MLLT1: variants seen among roughly 807,000 people sequenced by gnomAD.
The protein encoded by MLLT1 is MLLT1 super elongation complex subunit.
MLLT1 carries 11 observed loss-of-function variants against 55.1 expected under a neutral mutation model. That is an observed-to-expected ratio of 0.20 (90% CI 0.13 to 0.33). The LOEUF (loss-of-function observed/expected upper bound fraction) is 0.33. Among genes scored for constraint, MLLT1 ranks in the 10% least tolerant of loss-of-function variants. MLLT1 has a pLI of 1.00. For synonymous variants in MLLT1, 323 were observed against 320.1 expected (o/e 1.01, Z -0.10); for missense variants, 536 against 760.6 (o/e 0.70, Z 3.47).
Position 6,235,474 on chromosome 19 carries a change from G to A in MLLT1, c.277-4761C>T, listed in dbSNP as rs1568283143. Among the ~76,000 whole-genome samples, 1 of 152,332 alleles carries A rather than the reference G, an allele frequency of 6.6e-6. No individual in the cohort carries two copies. The highest frequency in any genetic ancestry group is 1.5e-5 in the Non-Finnish European group (1 of 68,018). On this transcript the variant is annotated intron_variant, in intron 3 of 11. Coordinates refer to ENST00000252674, the MANE Select transcript of MLLT1 (RefSeq NM_005934.4). This position sits in a 1 kb window ranked among gnomAD's most constrained non-coding sequence, Gnocchi z 5.5. ...CCACAAAGCAGCCTGGGCTAAGAAGGGCACCTGGGGAGGCGCAGCCAGACG... is the reference window on the plus strand; with the variant it reads ...CCACAAAGCAGCCTGGGCTAAGAAGAGCACCTGGGGAGGCGCAGCCAGACG...
chr19:6,237,099 G>T (rs1027861382), intron 3 of MLLT1, among the ~76,000 whole-genome samples: 1 of 152,256 alleles, frequency 6.6e-6, no homozygotes, highest in South Asian at 2.1e-4. Context: ...TCCAGGCAGC[G>T]AGCCCGCCAC....
In MLLT1 at chr19:6,210,840, G is replaced by A. The variant is rs564727137; in HGVS notation, c.*2202C>T. ...CTTGGGAGCCCATGCTGCCCAGCAC[G>A]TCCATCAGGTGGTCACGGAGCCAGC... On this transcript the variant is annotated 3_prime_UTR_variant, in exon 12 of 12. Transcript: ENST00000252674. This position sits in a 1 kb window ranked among gnomAD's most constrained non-coding sequence, Gnocchi z 4.6. 10 of 229,946 alleles carry A rather than the reference G, an allele frequency of 4.3e-5. No homozygotes were observed. Among genetic ancestry groups the A allele is most frequent in the Middle Eastern group, 1.3e-3 (1 of 762 alleles). The allele number at this position is 229,946 out of a possible 1,614,324, so 14.2% of individuals were successfully genotyped here.
chr19:6,253,950 T>C (rs2091238743), intron 3 of MLLT1, among the ~76,000 whole-genome samples: 1 of 152,188 alleles, frequency 6.6e-6, no homozygotes. Context: ...TGGGTCTTAG[T>C]CCTGGGTTCC....
Position 6,210,496 on chromosome 19 carries a change from C to T in MLLT1, c.*2546G>A. The stretch of plus-strand genomic sequence containing the variant: ...AAACAATCCTGTAACTCGTTACAAA[C>T]ACGATTCTCCTTATTCCTTTTATCC... On this transcript the variant is annotated 3_prime_UTR_variant, in exon 12 of 12. Transcript: ENST00000252674. This position sits in a 1 kb window ranked among gnomAD's most constrained non-coding sequence, Gnocchi z 4.6. 1 of 211,748 alleles carries T rather than the reference C, an allele frequency of 4.7e-6. No homozygotes were observed. Among genetic ancestry groups the T allele is most frequent in the East Asian group, 7.1e-5 (1 of 14,122 alleles). The allele number at this position is 211,748 out of a possible 1,614,324, so 13.1% of individuals were successfully genotyped here.
At position 6,273,792 on chromosome 19, in the gene MLLT1, C is replaced by T. The variant is rs933380275; in HGVS notation, c.13-3033G>A. Among the ~76,000 whole-genome samples, 1 of 152,240 alleles carries T rather than the reference C, an allele frequency of 6.6e-6. No individual in the cohort carries two copies. Among genetic ancestry groups the T allele is most frequent in the Non-Finnish European group, 1.5e-5 (1 of 68,050 alleles). On this transcript the variant is annotated intron_variant, in intron 1 of 11. Coordinates refer to ENST00000252674, the MANE Select transcript of MLLT1 (RefSeq NM_005934.4). The surrounding 1 kb of genome is among the most constrained non-coding windows in gnomAD (Gnocchi z 4.3). ...CTCCCACACAATGACAGTGTCTCCT[C>T]GGAATCGCTTATTCACTGACCCGGC...
chr19:6,257,218 A>T (rs35763390), intron 3 of MLLT1, among the ~76,000 whole-genome samples: 45,462 of 152,042 alleles, frequency 0.3, 7,707 homozygotes, highest in African/African-American at 0.45. Flanking sequence ...AACAAGGGAC[A>T]TTATCAGGGC....
intron 2 of MLLT1, among the ~76,000 whole-genome samples, chr19:6,268,395 TAAG>T (rs35691704): frequency 0.27 from 40,901 of 151,700 alleles, 6,471 homozygotes; most frequent in African/African-American, 0.44. Flanking sequence ...AATCAAGAAA[TAAG>T]AAGCAAATGA....
intron 9 of MLLT1, 33 bp from the exon 10 acceptor site, chr19:6,213,830 G>A (rs1411164673): frequency 1.2e-6 from 2 of 1,608,208 alleles, no homozygotes; most frequent in Non-Finnish European, 1.7e-6. Context: ...CTGAGCTGTG[G>A]CCCACACCCT....
chr19:6,259,816 A>AAAAAAAAAAAAAAAC (rs1169497696), intron 3 of MLLT1: 1 of 151,600 alleles, frequency 6.6e-6, no homozygotes, highest in African/African-American at 2.4e-5. Flanking sequence ...AAAAAAAAAA[A>AAAAAAAAAAAAAAAC]AAAACAGAAA....
At chr19:6,258,954 G>A (rs945222236) in intron 3 of MLLT1, among the ~76,000 whole-genome samples, 2 of 152,168 alleles carry the variant, frequency 1.3e-5, no homozygotes, top group African/African-American at 4.8e-5. Context: ...GCCGGGCCAA[G>A]TGCTACACCT....
intron 3 of MLLT1, among the ~76,000 whole-genome samples, chr19:6,232,669 G>T (rs4807067): frequency 0.033 from 5,092 of 152,330 alleles, 95 homozygotes; most frequent in Middle Eastern, 0.088. Context: ...TGAGGCAAAT[G>T]CAGAGACATG....
rs145536050 is a variant in MLLT1 at position 6,222,343 on chromosome 19, G to A, written c.888C>T (p.Ser296=). Residue 296 remains serine, a synonymous_variant, in exon 6 of 12, where the codon AGC becomes AGT. Coordinates refer to ENST00000252674, the MANE Select transcript of MLLT1 (RefSeq NM_005934.4). The surrounding 1 kb of genome is among the most constrained non-coding windows in gnomAD (Gnocchi z 4.1). ...AGCTGCTCTTCTTCTGCTTCTTGGC[G>A]CTGGGCTTTGGCGAGTCGGCGGTGG... ...RPATADSPKP[S]AKKQKKSSSK... The A allele has an allele frequency of 3.2e-5, 49 of 1,545,072 alleles. No individual in the cohort carries two copies. Among genetic ancestry groups the A allele is most frequent in the African/African-American group, 9.7e-5 (7 of 72,140 alleles).
At chr19:6,253,170 C>A (rs764212895) in intron 3 of MLLT1, among the ~76,000 whole-genome samples, 4 of 139,858 alleles carry the variant, frequency 2.9e-5, no homozygotes, top group Non-Finnish European at 6.0e-5. Flanking sequence ...GAGGCTGAAG[C>A]AAGAGAATGG....
At chr19:6,253,708 A>G (rs929941159) in intron 3 of MLLT1, among the ~76,000 whole-genome samples, 11 of 152,320 alleles carry the variant, frequency 7.2e-5, no homozygotes, top group African/African-American at 2.4e-4. Flanking sequence ...ACAGCACATT[A>G]ATAAAAGGAA....
At chr19:6,215,463 C>T (rs1032241990) in intron 8 of MLLT1, among the ~76,000 whole-genome samples, 2 of 152,162 alleles carry the variant, frequency 1.3e-5, no homozygotes, top group Admixed American at 6.5e-5. Context: ...GACCTCCCAC[C>T]AGCGGCTCCC....
At position 6,212,156 on chromosome 19, in the gene MLLT1, C is replaced by T. The variant is rs1347575911; in HGVS notation, c.*886G>A. The T allele has an allele frequency of 1.4e-5, 15 of 1,066,044 alleles. No homozygotes were observed. The highest frequency in any genetic ancestry group is 5.3e-5 in the Admixed American group (1 of 18,754). The allele number at this position is 1,066,044 out of a possible 1,614,324, so 66.0% of individuals were successfully genotyped here. On this transcript the variant is annotated 3_prime_UTR_variant, in exon 12 of 12. Transcript: ENST00000252674. ...CCAGGGCGGCTGATGCGAGTCTGTC[C>T]GCGGAGACTGTTGGCGCTAGTCTGA...
At chr19:6,218,368 G>T (rs1323053240) in intron 6 of MLLT1, among the ~76,000 whole-genome samples, 1 of 152,228 alleles carries the variant, frequency 6.6e-6, no homozygotes, top group African/African-American at 2.4e-5. Flanking sequence ...GCTGGGGCAG[G>T]GGCTTGAAGT....
rs570978653 is a variant in MLLT1 at position 6,269,070 on chromosome 19, A to C, written c.193+1509T>G. ...AGAAGTGGAGTGGATGCCACCAGAG[A>C]AAGGAAAGAGGGCCTGGTGCAGGAG... On this transcript the variant is annotated intron_variant, in intron 2 of 11. Coordinates refer to ENST00000252674, the MANE Select transcript of MLLT1 (RefSeq NM_005934.4). Among the ~76,000 whole-genome samples the C allele has an allele frequency of 3.3e-5, 5 of 152,250 alleles. No homozygotes were observed. In the East Asian group the frequency reaches 9.7e-4, roughly 29 times the overall value.
chr19:6,271,985 C>T (rs1027743050), intron 1 of MLLT1, among the ~76,000 whole-genome samples: 6 of 152,366 alleles, frequency 3.9e-5, no homozygotes, highest in Middle Eastern at 3.4e-3. Flanking sequence ...TGGCTGAGTG[C>T]CCCGGCGCCT....
Sources: gnomAD v4.1 joint callset for allele counts (sites outside exome capture counted in the v4.1 genomes callset) on GRCh38, gnomAD v4.1.1 for gene constraint, Gnocchi (gnomAD v3.1) non-coding constraint, MANE v1.5 for transcripts, NCBI Gene and HGNC (gene_info 2026-07-23, HGNC 2026-07-21) for gene names.